The following GUCA1A variants were observed in gnomAD, a reference collection of about 807,000 sequenced individuals.
GUCA1A encodes guanylate cyclase activator 1A, also known as guanylyl cyclase-activating protein 1.
A neutral mutation model predicts 18.5 loss-of-function variants in GUCA1A; 14 were observed. The ratio of observed to expected loss-of-function variants is 0.76; its 90% CI spans 0.50 to 1.18. The LOEUF (loss-of-function observed/expected upper bound fraction) is 1.18, where lower values mean the gene tolerates loss of function less well. Ranked by LOEUF, GUCA1A falls within the 50% of genes most tolerant of loss-of-function variation. GUCA1A has a pLI of 0.00. For synonymous variants in GUCA1A, 97 were observed against 100.2 expected (o/e 0.97, Z 0.19); for missense variants, 264 against 262.4 (o/e 1.01, Z -0.04).
At position 42,175,461 on chromosome 6, in the gene GUCA1A, A is replaced by G. The variant is rs538390789; in HGVS notation, c.201+1647A>G. Among the ~76,000 whole-genome samples, 33 of 148,384 alleles carry G rather than the reference A, an allele frequency of 2.2e-4. No homozygotes were observed. In the South Asian group the frequency reaches 5.9e-3, roughly 27 times the overall value. The stretch of plus-strand genomic sequence containing the variant: ...CTGCAACCTCCACCTCCTGGGCTCA[A>G]GCGATTCTTCTGCCTCACTCAGCCT... On this transcript the variant is annotated intron_variant, in intron 1 of 3. Transcript: ENST00000372958.
Position 42,173,545 on chromosome 6 carries a change from C to T in GUCA1A, c.-69C>T, listed in dbSNP as rs566583358. 3 of 1,324,032 alleles carry T rather than the reference C, an allele frequency of 2.3e-6. No individual in the cohort carries two copies. The African/African-American group carries it at 4.3e-5, about 19-fold the overall frequency. The allele number at this position is 1,324,032 out of a possible 1,614,324, so 82.0% of individuals were successfully genotyped here. ...AGGACGGCCCCGTTGTCGGCCAAGA[C>T]ACCTTTGGGCGAGGAGCAGCGAACA... On this transcript the variant is annotated 5_prime_UTR_variant, in exon 1 of 4. Transcript: ENST00000372958.
chr6:42,177,056 A>G (rs1225941868), intron 1 of GUCA1A, among the ~76,000 whole-genome samples: 1 of 152,162 alleles, frequency 6.6e-6, no homozygotes, highest in Non-Finnish European at 1.5e-5. Flanking sequence ...ACAGAGTGTG[A>G]CTGGGGAGTG....
intron 1 of GUCA1A, among the ~76,000 whole-genome samples, chr6:42,177,871 CTGGGGGT>C (rs1767998832): frequency 6.6e-6 from 1 of 152,216 alleles, no homozygotes; most frequent in Non-Finnish European, 1.5e-5. Flanking sequence ...GCTCCCATCC[CTGGGGGT>C]GCAGTTCTTC....
intron 1 of GUCA1A, among the ~76,000 whole-genome samples, chr6:42,177,550 T>A (rs574829961): frequency 0.023 from 3,346 of 147,998 alleles, 102 homozygotes; most frequent in African/African-American, 0.076. Flanking sequence ...TTTTAGACAT[T>A]AAAAAAAAAA....
At chr6:42,175,209 A>G (rs1298108255) in intron 1 of GUCA1A, among the ~76,000 whole-genome samples, 1 of 151,794 alleles carries the variant, frequency 6.6e-6, no homozygotes, top group Non-Finnish European at 1.5e-5. Flanking sequence ...AAACAGCGAC[A>G]TATCTCATCT....
intron 1 of GUCA1A, among the ~76,000 whole-genome samples, chr6:42,178,000 C>G (rs73733108): frequency 2.0e-3 from 298 of 152,376 alleles, no homozygotes; most frequent in African/African-American, 7.0e-3. Flanking sequence ...TGTGAACAGA[C>G]AGCGCCAGCC....
chr6:42,178,314 C>A lies in GUCA1A; in HGVS notation c.236C>A (p.Ala79Glu), dbSNP rs765247842. Reference protein sequence around the residue: ...GYIDFMEYVAALSLVLKGKVE... With the variant: ...GYIDFMEYVAELSLVLKGKVE... ...ATTGATTTCATGGAGTACGTGGCAG[C>A]GCTCAGCTTGGTCCTCAAGGGGAAG... Residue 79 changes from alanine to glutamate, a missense_variant, in exon 2 of 4, where the codon GCG (alanine) becomes GAG (glutamate). By Grantham distance (107) the Ala-to-Glu change is moderately radical. Transcript: ENST00000372958. 8.7e-6 allele frequency: 14 copies of A among 1,614,034 alleles called. No homozygotes were observed. Among genetic ancestry groups the A allele is most frequent in the South Asian group, 2.2e-5 (2 of 91,084 alleles).
At chr6:42,178,186 G>A (rs1768007102) in intron 1 of GUCA1A, 94 bp from the exon 2 acceptor site, 3 of 1,461,298 alleles carry the variant, frequency 2.1e-6, no homozygotes, top group African/African-American at 1.4e-5. Context: ...GGGGCTTGCC[G>A]AGATGGGCGG....
rs981738605 is a variant in GUCA1A at position 42,173,875 on chromosome 6, C to A, written c.201+61C>A. 7.7e-5 allele frequency: 98 copies of A among 1,276,042 alleles called. No individual in the cohort carries two copies. The African/African-American group carries it at 1.1e-3, about 15-fold the overall frequency. The allele number at this position is 1,276,042 out of a possible 1,614,324, so 79.0% of individuals were successfully genotyped here. A position where few individuals can be genotyped will look rare whatever the true frequency, so the allele number is the denominator to read the frequency against. On this transcript the variant is annotated intron_variant, in intron 1 of 3. Transcript: ENST00000372958. The stretch of plus-strand genomic sequence containing the variant: ...TGGAGGGACCCCTCTGGAAGCCTGA[C>A]CAGCTGGGGGTGAGGAAGAGCAGAG...
At position 42,177,550 on chromosome 6, in the gene GUCA1A, TA is replaced by T. The variant is rs542196379; in HGVS notation, c.202-720del. Among the ~76,000 whole-genome samples the T allele has an allele frequency of 1.4e-3, 204 of 147,982 alleles. 1 individual carries two copies. In the South Asian group the frequency reaches 0.015, roughly 11 times the overall value. On this transcript the variant is annotated intron_variant, in intron 1 of 3. Coordinates refer to ENST00000372958, the MANE Select transcript of GUCA1A (RefSeq NM_001384910.1). ...TTTTCCATTGCCCCTTTTTAGACAT[TA>T]AAAAAAAAACCTGCAAAAGCAATCC...
chr6:42,173,865 G>A (rs1179848259), intron 1 of GUCA1A, 51 bp downstream of exon 1: 1 of 1,403,392 alleles, frequency 7.1e-7, no homozygotes, highest in East Asian at 2.3e-5. Context: ...GGACCCCTCT[G>A]GAAGCCTGAC....
chr6:42,179,221 A>T (rs1489868112), intron 3 of GUCA1A, 22 bp from the exon 4 acceptor site: 6 of 1,609,836 alleles, frequency 3.7e-6, no homozygotes, highest in Non-Finnish European at 2.6e-6. Flanking sequence ...CCTCCCCCTG[A>T]TTCCCTTTCT....
chr6:42,178,068 C>T (rs1768003979), intron 1 of GUCA1A, among the ~76,000 whole-genome samples: 1 of 152,264 alleles, frequency 6.6e-6, no homozygotes, highest in African/African-American at 2.4e-5. Context: ...CTGGAGTAGG[C>T]AGGGTGGGCT....
intron 2 of GUCA1A, 87 bp from the exon 3 acceptor site, chr6:42,178,715 C>A (rs1033916451): frequency 2.8e-6 from 3 of 1,077,274 alleles, no homozygotes; most frequent in Non-Finnish European, 4.3e-6. Flanking sequence ...CTCTTGGGAG[C>A]CGGACAAGCT....
chr6:42,177,815 C>T (rs1767997096), intron 1 of GUCA1A, among the ~76,000 whole-genome samples: 1 of 152,150 alleles, frequency 6.6e-6, no homozygotes, highest in South Asian at 2.1e-4. Flanking sequence ...GGCCTCAGCC[C>T]CTCAGGCAGC....
At chr6:42,175,881 T>G (rs1767947616) in intron 1 of GUCA1A, among the ~76,000 whole-genome samples, 1 of 152,200 alleles carries the variant, frequency 6.6e-6, no homozygotes, top group Non-Finnish European at 1.5e-5. Context: ...GCTGCAAGTC[T>G]CTGCTTAGAA....
At chr6:42,179,175 C>A in intron 3 of GUCA1A, 68 bp from the exon 4 acceptor site, 1 of 1,459,820 alleles carries the variant, frequency 6.9e-7, no homozygotes, top group Non-Finnish European at 9.6e-7. Flanking sequence ...GGCAAGAACC[C>A]GGTTCTGTGC....
In GUCA1A at chr6:42,179,565, G is replaced by C. The variant is rs971232316; in HGVS notation, c.*162G>C. The stretch of plus-strand genomic sequence containing the variant: ...GCAGAGAGGCAGAAGTGGGAGTCCA[G>C]AGCCAGGAACAGTGAAGGATGGTTC... On this transcript the variant is annotated 3_prime_UTR_variant, in exon 4 of 4. Transcript: ENST00000372958. 19 of 614,082 alleles carry C rather than the reference G, an allele frequency of 3.1e-5. No individual in the cohort carries two copies. In the African/African-American group the frequency reaches 3.5e-4, roughly 11 times the overall value. 38.0% of individuals were successfully genotyped at this position (614,082 alleles called of 1,614,324 possible).
chr6:42,178,417 C>T lies in GUCA1A; in HGVS notation c.339C>T (p.Leu113=). Residue 113 remains leucine, a synonymous_variant, in exon 2 of 4, where the codon CTC becomes CTT. Transcript: ENST00000372958. ...GCTGCATTGACCGCGATGAGCTGCT[C>T]ACCATCATCCAGGTGCAGAGGGCCC... is the stretch of plus-strand genomic sequence containing the variant. ...GNGCIDRDEL[L]TIIQAIRAIN... 1 of 1,613,874 alleles carries T rather than the reference C, an allele frequency of 6.2e-7. No individual in the cohort carries two copies. Among genetic ancestry groups the T allele is most frequent in the Non-Finnish European group, 8.5e-7 (1 of 1,179,866 alleles).
Sources: gnomAD v4.1 joint callset for allele counts (sites outside exome capture counted in the v4.1 genomes callset) on GRCh38, gnomAD v4.1.1 for gene constraint, MANE v1.5 for transcripts, NCBI Gene and HGNC (gene_info 2026-07-23, HGNC 2026-07-21) for gene names.